The following CMTM4 variants were observed in gnomAD, a reference collection of about 807,000 sequenced individuals.
The protein encoded by CMTM4 is CKLF-like MARVEL transmembrane domain-containing protein 4.
In CMTM4, 8 loss-of-function variants were observed where a neutral mutation model predicts 19.0. The observed-to-expected ratio is 0.42, with a 90% CI of 0.25 to 0.76. The LOEUF is 0.76. Ranked by LOEUF, CMTM4 falls within the 30% of genes least tolerant of loss-of-function variation. The probability of loss-of-function intolerance (pLI) is 0.27; values close to 1 mark genes in which losing one functional copy is unlikely to be tolerated. For synonymous variants in CMTM4, 106 were observed against 121.1 expected (o/e 0.88, Z 0.82); for missense variants, 228 against 290.2 (o/e 0.79, Z 1.56).
the CMTM4 span, among the ~76,000 whole-genome samples, chr16:66,599,188 G>A: frequency 6.6e-6 from 1 of 151,960 alleles, no homozygotes; most frequent in Admixed American, 6.6e-5. Context: ...TACTTGGGAG[G>A]CTGAGGCATG....
At chr16:66,600,136 G>GGTTTTTTTTTTTTTTTTTTTTTTTTT in the CMTM4 span, among the ~76,000 whole-genome samples, 4 of 135,154 alleles carry the variant, frequency 3.0e-5, no homozygotes, top group South Asian at 4.8e-4. Context: ...GTGTGTGTGT[G>GGTTTTTTTTTTTTTTTTTTTTTTTTT]TTTTTTTTTG....
intron 3 of CMTM4, 47 bp downstream of exon 3, chr16:66,623,356 AC>A: frequency 7.0e-7 from 1 of 1,427,140 alleles, no homozygotes; most frequent in Non-Finnish European, 9.8e-7. Context: ...CGAGCAGGTC[AC>A]AGGAGGTCCC....
Position 66,617,645 on chromosome 16 carries a change from C to A in CMTM4, c.*4413G>T. 1 of 1,135,302 alleles carries A rather than the reference C, an allele frequency of 8.8e-7. No individual in the cohort carries two copies. The allele number at this position is 1,135,302 out of a possible 1,614,324, so 70.3% of individuals were successfully genotyped here. On this transcript the variant is annotated 3_prime_UTR_variant, in exon 4 of 4. Coordinates refer to ENST00000394106, the MANE Select transcript of CMTM4 (RefSeq NM_181521.3). ...AAATTACTTTCTCAACCAGACAGTT[C>A]TTGTGACTTGAATGATATCTGCTGA...
intron 1 of CMTM4, among the ~76,000 whole-genome samples, chr16:66,667,525 C>A (rs355977): frequency 0.049 from 7,428 of 152,166 alleles, 285 homozygotes; most frequent in Admixed American, 0.11. Context: ...CATTTACACA[C>A]AGTTCAAAAT....
chr16:66,619,417 C>T lies in CMTM4; in HGVS notation c.*2641G>A, dbSNP rs537730281. 24 of 985,400 alleles carry T rather than the reference C, an allele frequency of 2.4e-5. No homozygotes were observed. The South Asian group carries it at 9.4e-4, about 39-fold the overall frequency. The allele number at this position is 985,400 out of a possible 1,614,324, so 61.0% of individuals were successfully genotyped here. A position where few individuals can be genotyped will look rare whatever the true frequency, so the allele number is the denominator to read the frequency against. On this transcript the variant is annotated 3_prime_UTR_variant, in exon 4 of 4. Coordinates refer to ENST00000394106, the MANE Select transcript of CMTM4 (RefSeq NM_181521.3). Reference sequence around the variant, plus strand: ...CAAGTTTTGCTTTAAATGTGAAAACCAATATCGTCCCACCAGAACACTGAG... The same window carrying T: ...CAAGTTTTGCTTTAAATGTGAAAACTAATATCGTCCCACCAGAACACTGAG...
intron 1 of CMTM4, among the ~76,000 whole-genome samples, chr16:66,693,161 T>C (rs1056723467): frequency 1.3e-5 from 2 of 152,006 alleles, no homozygotes; most frequent in African/African-American, 4.8e-5. Context: ...GAGGCGGAGA[T>C]TGCAGTTAGC....
chr16:66,620,060 C>G lies in CMTM4; in HGVS notation c.*1998G>C. 1 of 985,440 alleles carries G rather than the reference C, an allele frequency of 1.0e-6. No homozygotes were observed. Among genetic ancestry groups the G allele is most frequent in the Non-Finnish European group, 1.2e-6 (1 of 829,934 alleles). 61.0% of individuals were successfully genotyped at this position (985,440 alleles called of 1,614,324 possible). Reference sequence around the variant, plus strand: ...TGGGAAAACTTGGGCAACAAGCCCACCTGAATGGTGTTCTTGTTTTCAATC... The same window carrying G: ...TGGGAAAACTTGGGCAACAAGCCCAGCTGAATGGTGTTCTTGTTTTCAATC... On this transcript the variant is annotated 3_prime_UTR_variant, in exon 4 of 4. Coordinates refer to ENST00000394106, the MANE Select transcript of CMTM4 (RefSeq NM_181521.3).
the CMTM4 span, among the ~76,000 whole-genome samples, chr16:66,600,136 G>GTGTGGTTTTTT: frequency 3.0e-5 from 4 of 135,152 alleles, no homozygotes; most frequent in African/African-American, 1.2e-4. Context: ...GTGTGTGTGT[G>GTGTGGTTTTTT]TTTTTTTTTG....
chr16:66,604,817 A>AGACGCC, the CMTM4 span: 1 of 1,282,308 alleles, frequency 7.8e-7, no homozygotes, highest in Non-Finnish European at 9.8e-7. Context: ...TGTGGCCCCC[A>AGACGCC]GACCCCGACC....
At chr16:66,601,857 T>C in the CMTM4 span, among the ~76,000 whole-genome samples, 2 of 152,308 alleles carry the variant, frequency 1.3e-5, no homozygotes, top group East Asian at 3.9e-4. Context: ...CAGCTGTAGC[T>C]GTGGGAAAGG....
chr16:66,621,892 G>A lies in CMTM4; in HGVS notation c.*166C>T, dbSNP rs375482331. On this transcript the variant is annotated 3_prime_UTR_variant, in exon 4 of 4. Coordinates refer to ENST00000394106, the MANE Select transcript of CMTM4 (RefSeq NM_181521.3). ...GGAACGTGGGCCTCCCAACTCCACCGCGGACCCGCCCACTGGGCCACTCGG... is the reference window on the plus strand; with the variant it reads ...GGAACGTGGGCCTCCCAACTCCACCACGGACCCGCCCACTGGGCCACTCGG... 2.8e-6 allele frequency: 4 copies of A among 1,429,306 alleles called. No individual in the cohort carries two copies. The highest frequency in any genetic ancestry group is 5.0e-5 in the East Asian group (2 of 39,610). 88.5% of individuals were successfully genotyped at this position (1,429,306 alleles called of 1,614,324 possible).
chr16:66,599,787 T>C, the CMTM4 span, among the ~76,000 whole-genome samples: 1 of 152,184 alleles, frequency 6.6e-6, no homozygotes, highest in Non-Finnish European at 1.5e-5. Flanking sequence ...AAGTGTCTTT[T>C]ACAGATTTTT....
chr16:66,612,868 C>T (rs1297129157), downstream of CMTM4: 2 of 610,394 alleles, frequency 3.3e-6, no homozygotes, highest in Non-Finnish European at 5.9e-6. This position sits in a 1 kb window ranked among gnomAD's most constrained non-coding sequence, Gnocchi z 6.0. Context: ...GTATCCCACT[C>T]CTTCTCCCCA....
At chr16:66,648,583 G>C (rs899005111) in intron 1 of CMTM4, among the ~76,000 whole-genome samples, 1 of 150,950 alleles carries the variant, frequency 6.6e-6, no homozygotes, top group African/African-American at 2.4e-5. Context: ...GCTTGAACCC[G>C]GGAGGCGGAG....
chr16:66,662,135 G>C (rs2144861357), intron 1 of CMTM4, among the ~76,000 whole-genome samples: 1 of 152,228 alleles, frequency 6.6e-6, no homozygotes, highest in African/African-American at 2.4e-5. Flanking sequence ...TCATAAATTT[G>C]GAATTCCAGT....
At chr16:66,640,599 A>G (rs1396432863) in intron 1 of CMTM4, among the ~76,000 whole-genome samples, 1 of 152,228 alleles carries the variant, frequency 6.6e-6, no homozygotes, top group Non-Finnish European at 1.5e-5. Context: ...AAGGGCCACC[A>G]GCTACTTTGC....
intron 1 of CMTM4, among the ~76,000 whole-genome samples, chr16:66,687,833 G>A (rs1473223435): frequency 1.3e-5 from 2 of 151,842 alleles, no homozygotes; most frequent in Non-Finnish European, 2.9e-5. Flanking sequence ...GACTACAGGC[G>A]CCTGCCACCA....
chr16:66,688,721 C>G (rs970227436), intron 1 of CMTM4, among the ~76,000 whole-genome samples: 21 of 152,140 alleles, frequency 1.4e-4, no homozygotes, highest in Non-Finnish European at 2.4e-4. Flanking sequence ...ACCTATAGAT[C>G]ATTTGTGGAG....
intron 2 of CMTM4, among the ~76,000 whole-genome samples, chr16:66,624,583 A>G (rs1447843522): frequency 1.3e-5 from 2 of 152,188 alleles, no homozygotes; most frequent in African/African-American, 4.8e-5. Flanking sequence ...CCTGGTCAAC[A>G]TGGTGAAACC....
Sources: gnomAD v4.1 joint callset for allele counts (sites outside exome capture counted in the v4.1 genomes callset) on GRCh38, gnomAD v4.1.1 for gene constraint, Gnocchi (gnomAD v3.1) non-coding constraint, MANE v1.5 for transcripts, NCBI Gene and HGNC (gene_info 2026-07-23, HGNC 2026-07-21) for gene names.